The following YEATS4 variants were observed in gnomAD, a reference collection of about 807,000 sequenced individuals.
YEATS4 encodes the protein YEATS domain containing 4.
In YEATS4, 17 loss-of-function variants were observed where a neutral mutation model predicts 30.1. The ratio of observed to expected loss-of-function variants is 0.56; its 90% confidence interval spans 0.39 to 0.85. The LOEUF is 0.85. Ranked by LOEUF, YEATS4 falls within the 40% of genes least tolerant of loss-of-function variation. The pLI, the probability that YEATS4 is intolerant of heterozygous loss-of-function variation, is 0.00. For synonymous variants in YEATS4, 85 were observed against 87.5 expected, an observed-to-expected ratio of 0.97 and a Z score of 0.16; for missense variants, 142 against 268.3, an observed-to-expected ratio of 0.53 and a Z score of 3.29.
At chr12:69,375,502 G>A (rs1045237214) in intron 6 of YEATS4, among the ~76,000 whole-genome samples, 3 of 152,070 alleles carry the variant, frequency 2.0e-5, no homozygotes, top group Admixed American at 6.5e-5. Context: ...AGACGGGGTG[G>A]CGGCCGGGCA....
chr12:69,384,712 A>G (rs1404488061), intron 6 of YEATS4, among the ~76,000 whole-genome samples: 1 of 152,234 alleles, frequency 6.6e-6, no homozygotes, highest in Non-Finnish European at 1.5e-5. Context: ...GTTAGGAAAA[A>G]TCACATTAAA....
intron 6 of YEATS4, among the ~76,000 whole-genome samples, chr12:69,383,007 C>T (rs1284348250): frequency 2.0e-5 from 3 of 152,064 alleles, no homozygotes; most frequent in Non-Finnish European, 4.4e-5. Context: ...TGCCTATAAT[C>T]GCAGCACATT....
chr12:69,423,782 C>G, the YEATS4 span, among the ~76,000 whole-genome samples: 1 of 152,128 alleles, frequency 6.6e-6, no homozygotes, highest in African/African-American at 2.4e-5. Context: ...CAATTATGAA[C>G]CCAGCCCCAA....
the YEATS4 span, among the ~76,000 whole-genome samples, chr12:69,406,475 A>G: frequency 0.13 from 19,094 of 152,152 alleles, 1,520 homozygotes; most frequent in East Asian, 0.38. Context: ...CCACAGGTGC[A>G]TGCCACTATG....
chr12:69,413,510 G>GCCCC, the YEATS4 span, among the ~76,000 whole-genome samples: 2 of 130,930 alleles, frequency 1.5e-5, no homozygotes, highest in Non-Finnish European at 3.2e-5. Flanking sequence ...GGTCTTCAAC[G>GCCCC]CCCCCCCCAT....
At chr12:69,407,993 G>A in the YEATS4 span, among the ~76,000 whole-genome samples, 6 of 152,196 alleles carry the variant, frequency 3.9e-5, no homozygotes, top group Admixed American at 3.9e-4. Context: ...TGGGATTACA[G>A]GCGTGAGCCA....
At chr12:69,369,185 TACTC>T (rs150354790) in intron 4 of YEATS4, among the ~76,000 whole-genome samples, 1,865 of 152,318 alleles carry the variant, frequency 0.012, 22 homozygotes, top group African/African-American at 0.029. Context: ...CTCTAGAAAT[TACTC>T]ACTCCTGTGC....
At position 69,359,837 on chromosome 12, in the gene YEATS4, C is replaced by G. The variant is rs1371913744; in HGVS notation, c.-136C>G. The G allele has an allele frequency of 7.6e-6, 8 of 1,047,530 alleles. No homozygotes were observed. Among genetic ancestry groups the G allele is most frequent in the Non-Finnish European group, 8.3e-6 (6 of 724,210 alleles). The allele number at this position is 1,047,530 out of a possible 1,614,324, so 64.9% of individuals were successfully genotyped here. On this transcript the variant is annotated 5_prime_UTR_variant, in exon 1 of 7. Transcript: ENST00000247843. ...TGACGGTTACTCACCGCCGTGAGCC[C>G]AAGTAACTCGCCCTCCTTCGGCTAG...
At chr12:69,402,240 C>G in the YEATS4 span, among the ~76,000 whole-genome samples, 2 of 152,300 alleles carry the variant, frequency 1.3e-5, no homozygotes, top group East Asian at 1.9e-4. Flanking sequence ...GGCACAGAGT[C>G]TGGTCCAGTT....
At chr12:69,371,933 A>G (rs1875654672) in intron 6 of YEATS4, among the ~76,000 whole-genome samples, 1 of 152,100 alleles carries the variant, frequency 6.6e-6, no homozygotes, top group Non-Finnish European at 1.5e-5. Context: ...GATCTAAGGG[A>G]AGGATATTAT....
intron 6 of YEATS4, among the ~76,000 whole-genome samples, chr12:69,383,907 G>A (rs1246990369): frequency 1.3e-5 from 2 of 152,184 alleles, no homozygotes; most frequent in African/African-American, 2.4e-5. Context: ...AAATAAACTA[G>A]TATATTTGTA....
intron 6 of YEATS4, among the ~76,000 whole-genome samples, chr12:69,382,912 T>C (rs1407041447): frequency 6.6e-6 from 1 of 152,168 alleles, no homozygotes; most frequent in Non-Finnish European, 1.5e-5. Context: ...AAAAAAGTCA[T>C]TGCTTTTTAC....
At chr12:69,405,748 A>T in the YEATS4 span, among the ~76,000 whole-genome samples, 1 of 152,336 alleles carries the variant, frequency 6.6e-6, no homozygotes, top group African/African-American at 2.4e-5. Context: ...CCATCCTGCT[A>T]CTCAGAACAG....
At chr12:69,422,551 A>C in the YEATS4 span, 4 of 147,274 alleles carry the variant, frequency 2.7e-5, no homozygotes, top group Non-Finnish European at 4.4e-5. Flanking sequence ...GGATCACTAC[A>C]GCCCCGGACG....
intron 6 of YEATS4, among the ~76,000 whole-genome samples, chr12:69,372,846 T>G (rs1875700312): frequency 6.6e-6 from 1 of 150,958 alleles, no homozygotes; most frequent in Non-Finnish European, 1.5e-5. Flanking sequence ...CCTAGTTGTT[T>G]TAATTTTTAG....
the YEATS4 span, among the ~76,000 whole-genome samples, chr12:69,426,666 C>A: frequency 6.6e-6 from 1 of 152,316 alleles, no homozygotes; most frequent in East Asian, 1.9e-4. Context: ...CCACCGCATC[C>A]GGCCTAAATT....
intron 4 of YEATS4, among the ~76,000 whole-genome samples, chr12:69,367,740 CACTG>C (rs1443586402): frequency 6.6e-6 from 1 of 152,122 alleles, no homozygotes; most frequent in African/African-American, 2.4e-5. Flanking sequence ...AAAAATGAGA[CACTG>C]ACCTTAATGA....
the YEATS4 span, among the ~76,000 whole-genome samples, chr12:69,404,556 G>A: frequency 6.6e-6 from 1 of 152,166 alleles, no homozygotes; most frequent in East Asian, 1.9e-4. Flanking sequence ...CATCGAATGG[G>A]AGGATAGAAC....
At chr12:69,403,145 C>T in the YEATS4 span, among the ~76,000 whole-genome samples, 1 of 152,236 alleles carries the variant, frequency 6.6e-6, no homozygotes. Context: ...TCTGATGTTT[C>T]TCTAGACTGG....
Sources: allele counts gnomAD v4.1 joint callset (sites outside exome capture counted in the v4.1 genomes callset), GRCh38; gene constraint gnomAD v4.1.1; transcripts MANE v1.5; gene names NCBI Gene and HGNC (gene_info 2026-07-23, HGNC 2026-07-21).